Variants in COL19A1 observed in about 807,000 individuals in gnomAD.
COL19A1 encodes the protein collagen alpha-1(XIX) chain.
A neutral mutation model predicts 190.2 loss-of-function variants in COL19A1; 159 were observed. That is an observed-to-expected ratio of 0.84 (90% CI 0.73 to 0.95). COL19A1 has a LOEUF of 0.95. COL19A1 is among the 40% of genes least tolerant of loss of function. The pLI is 0.00. For synonymous variants in COL19A1, 509 were observed against 458.9 expected, an observed-to-expected ratio of 1.11 and a Z score of -1.39; for missense variants, 1,418 against 1,431.9, an observed-to-expected ratio of 0.99 and a Z score of 0.16.
At chr6:69,883,538 G>A (rs1561960678) in intron 2 of COL19A1, among the ~76,000 whole-genome samples, 1 of 152,138 alleles carries the variant, frequency 6.6e-6, no homozygotes, top group Non-Finnish European at 1.5e-5. Context: ...GGAGATATGT[G>A]CATTTTAGCA....
chr6:69,960,591 C>T (rs1774718830), intron 10 of COL19A1, among the ~76,000 whole-genome samples: 1 of 146,302 alleles, frequency 6.8e-6, no homozygotes. Flanking sequence ...GTATCTTTCT[C>T]TTTAACAAGA....
At chr6:70,111,998 A>G (rs1347134475) in intron 16 of COL19A1, among the ~76,000 whole-genome samples, 1 of 152,154 alleles carries the variant, frequency 6.6e-6, no homozygotes, top group Non-Finnish European at 1.5e-5. Flanking sequence ...TGAAACTTGC[A>G]TTTTCTTAAC....
intron 31 of COL19A1, among the ~76,000 whole-genome samples, chr6:70,154,164 T>A (rs900221491): frequency 6.9e-6 from 1 of 144,166 alleles, no homozygotes; most frequent in Non-Finnish European, 1.5e-5. Context: ...TGTGTCCATG[T>A]GTTCTCATTG....
chr6:70,108,878 G>T (rs1784119794), intron 16 of COL19A1, among the ~76,000 whole-genome samples: 1 of 152,038 alleles, frequency 6.6e-6, no homozygotes, highest in Admixed American at 6.6e-5. Context: ...ATGAATCATT[G>T]CACAGTCCTG....
rs1341513465 is a variant in COL19A1 at position 70,023,613 on chromosome 6, T to C, written c.1027-14T>C. ...GATATAAGATTTTTCATTGTATAAA[T>C]TGTTTCTTTTTAGGGTGAACAAGGA... On this transcript the variant is annotated splice_polypyrimidine_tract_variant and intron_variant, in intron 11 of 50. Transcript: ENST00000620364. 3.1e-6 allele frequency: 5 copies of C among 1,600,086 alleles called. No individual in the cohort carries two copies. The Admixed American group carries it at 5.3e-5, about 17-fold the overall frequency.
At chr6:69,967,101 A>G (rs188547961) in intron 11 of COL19A1, among the ~76,000 whole-genome samples, 4 of 152,342 alleles carry the variant, frequency 2.6e-5, no homozygotes, top group Admixed American at 1.3e-4. Flanking sequence ...TGCAGAACCT[A>G]TTGCTAAATA....
intron 47 of COL19A1, among the ~76,000 whole-genome samples, chr6:70,188,495 G>A (rs1044380562): frequency 2.0e-5 from 3 of 152,106 alleles, no homozygotes; most frequent in Admixed American, 6.5e-5. Context: ...TTTTATAAAC[G>A]CATAAAATGA....
intron 12 of COL19A1, among the ~76,000 whole-genome samples, chr6:70,027,496 A>G (rs1167925642): frequency 2.0e-5 from 3 of 152,118 alleles, no homozygotes; most frequent in Admixed American, 1.3e-4. Context: ...AAATGCCAGT[A>G]GCAGCCCCTA....
chr6:69,934,145 A>T (rs1262676509), intron 7 of COL19A1, among the ~76,000 whole-genome samples: 4 of 152,006 alleles, frequency 2.6e-5, no homozygotes, highest in Non-Finnish European at 4.4e-5. Flanking sequence ...AAGCATAGCT[A>T]AGTCTTTCAA....
intron 9 of COL19A1, among the ~76,000 whole-genome samples, chr6:69,945,305 T>C (rs1444375212): frequency 6.6e-6 from 1 of 152,018 alleles, no homozygotes; most frequent in Non-Finnish European, 1.5e-5. Context: ...TTTGACTTCT[T>C]AGTCAGAAAC....
chr6:70,110,658 A>C (rs889080837), intron 16 of COL19A1, among the ~76,000 whole-genome samples: 1 of 152,164 alleles, frequency 6.6e-6, no homozygotes, highest in African/African-American at 2.4e-5. Context: ...TATCAGGTTG[A>C]GATTTTGAAA....
chr6:70,027,811 A>T (rs1399647185), intron 12 of COL19A1, among the ~76,000 whole-genome samples: 5 of 152,194 alleles, frequency 3.3e-5, no homozygotes, highest in Non-Finnish European at 7.4e-5. Flanking sequence ...AGATATATTT[A>T]ACAAAGGTAT....
intron 4 of COL19A1, among the ~76,000 whole-genome samples, chr6:69,926,123 G>A (rs1463264435): frequency 6.6e-6 from 1 of 152,108 alleles, no homozygotes; most frequent in East Asian, 1.9e-4. Context: ...CCAACACTAT[G>A]TTGAATAGGA....
chr6:70,161,480 G>A (rs574029819), intron 34 of COL19A1, among the ~76,000 whole-genome samples: 3 of 152,100 alleles, frequency 2.0e-5, no homozygotes, highest in Non-Finnish European at 4.4e-5. Context: ...TTAAAACTGA[G>A]TATTCACACA....
intron 31 of COL19A1, among the ~76,000 whole-genome samples, chr6:70,155,468 CA>C (rs1787375483): frequency 6.6e-6 from 1 of 152,156 alleles, no homozygotes; most frequent in South Asian, 2.1e-4. Context: ...TGAGCTCAGA[CA>C]CTTGAAGTCA....
chr6:70,041,273 A>G (rs1160920563), intron 14 of COL19A1, among the ~76,000 whole-genome samples: 1 of 152,224 alleles, frequency 6.6e-6, no homozygotes, highest in African/African-American at 2.4e-5. Flanking sequence ...GGTACTAACA[A>G]CTATTTTGTT....
chr6:69,869,048 A>T (rs201018638), intron 1 of COL19A1, among the ~76,000 whole-genome samples: 1 of 143,886 alleles, frequency 6.9e-6, no homozygotes, highest in Non-Finnish European at 1.5e-5. Flanking sequence ...AAAAAAAAAA[A>T]CCCAGAATGA....
intron 11 of COL19A1, among the ~76,000 whole-genome samples, chr6:69,985,412 C>T (rs927281682): frequency 6.6e-6 from 1 of 152,076 alleles, no homozygotes; most frequent in Non-Finnish European, 1.5e-5. Context: ...GCGAGTTCAG[C>T]AACATTAGCA....
intron 2 of COL19A1, chr6:69,890,946 G>A (rs939690306): frequency 2.4e-5 from 5 of 205,648 alleles, no homozygotes; most frequent in African/African-American, 9.3e-5. Context: ...CCTGCTGACA[G>A]GGGTTGCTGT....
Sources: gnomAD v4.1 joint callset for allele counts (sites outside exome capture counted in the v4.1 genomes callset) on GRCh38, gnomAD v4.1.1 for gene constraint, MANE v1.5 for transcripts, NCBI Gene and HGNC (gene_info 2026-07-23, HGNC 2026-07-21) for gene names.